FER1L6: variants seen among roughly 807,000 people sequenced by gnomAD.
FER1L6 encodes the protein fer-1-like protein 6.
FER1L6 carries 177 observed loss-of-function variants against 219.2 expected under a neutral mutation model. The observed-to-expected ratio is 0.81, with a 90% CI of 0.71 to 0.91. The LOEUF is 0.91. FER1L6 is among the 40% of genes least tolerant of loss of function. The probability of loss-of-function intolerance (pLI) is 0.00; values close to 1 mark genes in which losing one functional copy is unlikely to be tolerated. For missense variants in FER1L6, 2,153 were observed against 2,259.9 expected, an observed-to-expected ratio of 0.95 and a Z score of 0.96; for synonymous variants, 768 against 824.3, an observed-to-expected ratio of 0.93 and a Z score of 1.17.
chr8:124,042,389 CA>C (rs1369062332), intron 20 of FER1L6, among the ~76,000 whole-genome samples: 1 of 152,240 alleles, frequency 6.6e-6, no homozygotes, highest in African/African-American at 2.4e-5. Context: ...CAATGCTTAG[CA>C]TTTTATATGC....
chr8:123,993,298 C>T lies in FER1L6; in HGVS notation c.1519+7122C>T, dbSNP rs113578918. 3.0e-3 allele frequency among the ~76,000 whole-genome samples: 451 copies of T among 151,508 alleles called. 5 individuals carry two copies. Among genetic ancestry groups the T allele is most frequent in the African/African-American group, 1.0e-2 (412 of 41,314 alleles). On this transcript the variant is annotated intron_variant, in intron 12 of 40. Coordinates refer to ENST00000522917, the MANE Select transcript of FER1L6 (RefSeq NM_001039112.2). Reference sequence around the variant, plus strand: ...TCTACTAAAAATACAAAAAATTAGCCGGGCGTAGTGGCGGGCGCCTGTAGT... The same window carrying T: ...TCTACTAAAAATACAAAAAATTAGCTGGGCGTAGTGGCGGGCGCCTGTAGT...
chr8:123,966,507 T>G lies in FER1L6; in HGVS notation c.384+217T>G, dbSNP rs191761305. ...AGAGGCGAGGAATTCCTCCTGATTT[T>G]AAATTCACTGCTACGTTTTCAACAT... On this transcript the variant is annotated intron_variant, in intron 5 of 40. Transcript: ENST00000522917. 2.6e-4 allele frequency among the ~76,000 whole-genome samples: 39 copies of G among 152,350 alleles called. 3 individuals are homozygous for G. The East Asian group carries it at 7.5e-3, about 29-fold the overall frequency.
intron 18 of FER1L6, among the ~76,000 whole-genome samples, chr8:124,031,497 C>G (rs1300473253): frequency 6.6e-6 from 1 of 152,104 alleles, no homozygotes; most frequent in Non-Finnish European, 1.5e-5. Context: ...GGAGTAGAAC[C>G]CTCTCTGGAA....
chr8:124,093,507 T>C (rs559681285), intron 34 of FER1L6, among the ~76,000 whole-genome samples: 34 of 152,170 alleles, frequency 2.2e-4, no homozygotes, highest in South Asian at 4.2e-4. Context: ...CAGAAACCCA[T>C]TGAAGGTTCT....
intron 1 of FER1L6, among the ~76,000 whole-genome samples, chr8:123,856,302 ATATATATGTATGTG>A (rs1340780240): frequency 4.5e-5 from 3 of 66,904 alleles, no homozygotes; most frequent in South Asian, 1.3e-3. Flanking sequence ...GTATATATAT[ATATATATGTATGTG>A]TATATATATA....
At chr8:124,063,078 T>C (rs1218500707) in intron 25 of FER1L6, among the ~76,000 whole-genome samples, 28 of 152,354 alleles carry the variant, frequency 1.8e-4, no homozygotes, top group Admixed American at 1.8e-3. Context: ...TGCACACCCT[T>C]CATACCCTTG....
At chr8:123,903,457 A>G (rs1306062911) in intron 1 of FER1L6, among the ~76,000 whole-genome samples, 2 of 152,262 alleles carry the variant, frequency 1.3e-5, no homozygotes. Context: ...TCTGAAATAG[A>G]TGATTCTGAT....
intron 23 of FER1L6, 75 bp downstream of exon 23, chr8:124,060,365 T>TG: frequency 6.8e-7 from 1 of 1,476,342 alleles, no homozygotes; most frequent in Non-Finnish European, 9.5e-7. Context: ...GTAGGAGAGG[T>TG]GATATGGAAT....
At chr8:124,000,769 G>T (rs1817370681) in intron 12 of FER1L6, among the ~76,000 whole-genome samples, 1 of 152,140 alleles carries the variant, frequency 6.6e-6, no homozygotes, top group Admixed American at 6.5e-5. Context: ...TTTATATTCA[G>T]GAAGCTCTCT....
rs201582233 is a variant in FER1L6, at chr8:124,060,213, G to A, written c.2908G>A (p.Val970Ile). The stretch of plus-strand genomic sequence containing the variant: ...TTCTGGGCTGCAAGGCCTCCCACCC[G>A]TTGAGCCACCAGACATCACCCAGAT... ...PPSGLQGLPPVEPPDITQIYP... is the reference protein window; with the variant it reads ...PPSGLQGLPPIEPPDITQIYP... The change falls in exon 23 of 41, where the codon GTT becomes ATT. Residue 970 changes from valine (V) to isoleucine (I), a missense_variant. Coordinates refer to ENST00000522917, the MANE Select transcript of FER1L6 (RefSeq NM_001039112.2). The A allele has an allele frequency of 5.3e-4, 848 of 1,613,114 alleles. 9 individuals carry two copies. Among genetic ancestry groups the A allele is most frequent in the South Asian group, 3.6e-3 (328 of 91,036 alleles).
chr8:123,915,424 A>G (rs1350206842), intron 1 of FER1L6, among the ~76,000 whole-genome samples: 4 of 152,188 alleles, frequency 2.6e-5, no homozygotes, highest in African/African-American at 9.7e-5. Flanking sequence ...GTCTCTTTTC[A>G]TCTGCAAAGT....
chr8:123,904,790 CAG>C (rs1175177796), intron 1 of FER1L6, among the ~76,000 whole-genome samples: 1 of 152,170 alleles, frequency 6.6e-6, no homozygotes, highest in African/African-American at 2.4e-5. Flanking sequence ...AAACAACAAA[CAG>C]AGAAACAAGA....
Position 124,064,529 on chromosome 8 carries a change from C to T in FER1L6, c.3511C>T (p.His1171Tyr). 11 of 1,613,378 alleles carry T rather than the reference C, an allele frequency of 6.8e-6. No homozygotes were observed. Among genetic ancestry groups the T allele is most frequent in the Non-Finnish European group, 9.3e-6 (11 of 1,179,812 alleles). ...CTCATCCCCGATGCTGGAGCCTGAACACACACCTGTAGCCCAGGAGCCACC... is the reference window on the plus strand; with the variant it reads ...CTCATCCCCGATGCTGGAGCCTGAATACACACCTGTAGCCCAGGAGCCACC... ...PDSSPMLEPE[H>Y]TPVAQEPPKD... The change falls in exon 26 of 41, where the codon CAC becomes TAC. Residue 1171 changes from histidine (H) to tyrosine (Y), a missense_variant. Coordinates refer to ENST00000522917, the MANE Select transcript of FER1L6 (RefSeq NM_001039112.2).
In FER1L6 at chr8:124,101,357, C is replaced by T; in HGVS notation, c.5125+19C>T. 1 of 1,606,800 alleles carries T rather than the reference C, an allele frequency of 6.2e-7. No individual in the cohort carries two copies. Among genetic ancestry groups the T allele is most frequent in the South Asian group, 1.1e-5 (1 of 90,686 alleles). On this transcript the variant is annotated intron_variant, in intron 38 of 40. Transcript: ENST00000522917. ...TTCCTGGGTAAGCCAGTGGCTTCAT[C>T]AAGCACATATTAATGTTAAGGGTTT...
intron 33 of FER1L6, among the ~76,000 whole-genome samples, chr8:124,084,148 C>T (rs1162853030): frequency 2.0e-5 from 3 of 150,806 alleles, no homozygotes; most frequent in South Asian, 4.2e-4. Context: ...TCAGTTCTAA[C>T]GGTTTTCTTG....
At chr8:123,859,984 A>T (rs202090253) in intron 1 of FER1L6, among the ~76,000 whole-genome samples, 24,418 of 86,008 alleles carry the variant, frequency 0.28, 2,502 homozygotes, top group Middle Eastern at 0.4. Flanking sequence ...TATTATTATT[A>T]TTTTTTTAAT....
intron 1 of FER1L6, among the ~76,000 whole-genome samples, chr8:123,932,822 T>C (rs943457068): frequency 1.3e-5 from 2 of 152,242 alleles, no homozygotes; most frequent in Non-Finnish European, 2.9e-5. Flanking sequence ...CTACTGGTGA[T>C]GAAAAGAGTA....
intron 18 of FER1L6, among the ~76,000 whole-genome samples, chr8:124,032,604 G>T (rs543163577): frequency 1.3e-5 from 2 of 152,120 alleles, no homozygotes; most frequent in South Asian, 4.1e-4. Context: ...ATCCGGGCAT[G>T]GTGGTGCCTG....
At chr8:124,009,733 G>A (rs1817825272) in intron 13 of FER1L6, among the ~76,000 whole-genome samples, 1 of 152,008 alleles carries the variant, frequency 6.6e-6, no homozygotes, top group Non-Finnish European at 1.5e-5. Context: ...CTGTTCTAGG[G>A]TGAGAGTTGA....
Sources: gnomAD v4.1 joint callset for allele counts (sites outside exome capture counted in the v4.1 genomes callset) on GRCh38, gnomAD v4.1.1 for gene constraint, MANE v1.5 for transcripts, NCBI Gene and HGNC (gene_info 2026-07-23, HGNC 2026-07-21) for gene names.